EPHA5: variants seen among roughly 807,000 people sequenced by gnomAD.
The protein encoded by EPHA5 is EPH receptor A5, also known as ephrin type-A receptor 5.
A neutral mutation model predicts 105.0 loss-of-function variants in EPHA5; 60 were observed. The ratio of observed to expected loss-of-function variants is 0.57; its 90% confidence interval spans 0.46 to 0.71. The LOEUF (loss-of-function observed/expected upper bound fraction) is 0.71. Ranked by LOEUF, EPHA5 falls within the 30% of genes least tolerant of loss-of-function variation. The pLI is 0.00. For missense variants in EPHA5, 1,218 were observed against 1,274.7 expected, an observed-to-expected ratio of 0.96 and a Z score of 0.68; for synonymous variants, 513 against 449.1, an observed-to-expected ratio of 1.14 and a Z score of -1.80.
chr4:65,551,676 T>C (rs1737936600), intron 3 of EPHA5, among the ~76,000 whole-genome samples: 1 of 152,112 alleles, frequency 6.6e-6, no homozygotes. Flanking sequence ...AAATTTTTAT[T>C]GTAACATTTT....
chr4:65,462,537 A>G (rs933838231), intron 5 of EPHA5, among the ~76,000 whole-genome samples: 5 of 152,130 alleles, frequency 3.3e-5, no homozygotes, highest in Non-Finnish European at 5.9e-5. Context: ...CTTGTCCAAG[A>G]TAGCCTCCTT....
chr4:65,639,813 C>G (rs1260961315), intron 2 of EPHA5, among the ~76,000 whole-genome samples: 3 of 151,430 alleles, frequency 2.0e-5, no homozygotes, highest in African/African-American at 7.2e-5. Context: ...GTTGTCCTAT[C>G]TTCAAGTGGG....
intron 3 of EPHA5, chr4:65,574,129 G>A (rs1368814305): frequency 6.2e-6 from 10 of 1,608,382 alleles, no homozygotes; most frequent in Admixed American, 3.3e-5. Flanking sequence ...AAGCAGCTGC[G>A]GAAGCCCAGA....
At chr4:65,435,824 GA>G (rs141078260) in intron 5 of EPHA5, among the ~76,000 whole-genome samples, 59,589 of 150,890 alleles carry the variant, frequency 0.39, 13,521 homozygotes, top group Non-Finnish European at 0.52. Context: ...TGAAGCACTG[GA>G]AAAAAAAATC....
intron 3 of EPHA5, among the ~76,000 whole-genome samples, chr4:65,558,075 C>G (rs542338944): frequency 6.6e-6 from 1 of 152,116 alleles, no homozygotes; most frequent in African/African-American, 2.4e-5. Flanking sequence ...CAGGGATTCA[C>G]CATGTTGGCC....
intron 11 of EPHA5, among the ~76,000 whole-genome samples, chr4:65,364,171 T>C (rs1353774706): frequency 6.6e-6 from 1 of 151,628 alleles, no homozygotes; most frequent in Admixed American, 6.6e-5. Context: ...GTAGTTTATT[T>C]TATTCTTTTC....
chr4:65,538,785 C>G (rs1736540629), intron 3 of EPHA5, among the ~76,000 whole-genome samples: 1 of 151,624 alleles, frequency 6.6e-6, no homozygotes, highest in Non-Finnish European at 1.5e-5. Flanking sequence ...GAGGAAATGA[C>G]TCATATAACT....
chr4:65,435,743 T>C (rs1216479690), intron 5 of EPHA5, among the ~76,000 whole-genome samples: 1 of 151,960 alleles, frequency 6.6e-6, no homozygotes, highest in African/African-American at 2.4e-5. Flanking sequence ...ATATGTAAAA[T>C]TAGAGCGTTA....
At chr4:65,399,813 C>A (rs1721632751) in intron 8 of EPHA5, among the ~76,000 whole-genome samples, 1 of 151,832 alleles carries the variant, frequency 6.6e-6, no homozygotes, top group Non-Finnish European at 1.5e-5. Context: ...TGATCAGAAA[C>A]ATAGTATTAA....
Position 65,601,626 on chromosome 4 carries a change from G to A in EPHA5, c.910+15C>T, listed in dbSNP as rs2149436546. 1 of 1,607,510 alleles carries A rather than the reference G, an allele frequency of 6.2e-7. No individual in the cohort carries two copies. ...GAAGCAGACAGCCCCTGCAGATCTG[G>A]AGGCAAACTCTTACCTTGACAGGTG... is the stretch of plus-strand genomic sequence containing the variant. On this transcript the variant is annotated intron_variant, in intron 3 of 16. Coordinates refer to ENST00000613740, the MANE Select transcript of EPHA5 (RefSeq NM_001281766.3).
chr4:65,495,554 A>G lies in EPHA5; in HGVS notation c.911-11T>C, dbSNP rs2149226936. 2 of 1,601,328 alleles carry G rather than the reference A, an allele frequency of 1.2e-6. No individual in the cohort carries two copies. Among genetic ancestry groups the G allele is most frequent in the Non-Finnish European group, 1.7e-6 (2 of 1,175,384 alleles). ...ACCCAGGTCTGCACACTGTCAAAAGAAATAAGAGACTAAGCTTTTCCCTGG... is the reference window on the plus strand; with the variant it reads ...ACCCAGGTCTGCACACTGTCAAAAGGAATAAGAGACTAAGCTTTTCCCTGG... On this transcript the variant is annotated splice_polypyrimidine_tract_variant and intron_variant, in intron 3 of 16. Coordinates refer to ENST00000613740, the MANE Select transcript of EPHA5 (RefSeq NM_001281766.3).
At chr4:65,590,663 G>A (rs4422466) in intron 3 of EPHA5, among the ~76,000 whole-genome samples, 8 of 152,070 alleles carry the variant, frequency 5.3e-5, no homozygotes, top group African/African-American at 1.9e-4. Flanking sequence ...AAGAGAGAGA[G>A]ACAAATTAAG....
chr4:65,515,176 A>T (rs78417146), intron 3 of EPHA5, among the ~76,000 whole-genome samples: 62 of 152,296 alleles, frequency 4.1e-4, no homozygotes, highest in African/African-American at 1.5e-3. Flanking sequence ...GATTAAACAT[A>T]TTCAACTGTC....
chr4:65,518,715 C>T (rs1336226962), intron 3 of EPHA5, among the ~76,000 whole-genome samples: 2 of 151,952 alleles, frequency 1.3e-5, no homozygotes, highest in African/African-American at 4.8e-5. Context: ...AGAGGGGATA[C>T]ATTTCAGGTA....
In EPHA5 at chr4:65,601,993, A is replaced by T. The variant is rs1452570699; in HGVS notation, c.558T>A (p.Leu186=). The change falls in exon 3 of 17, where the codon CTT becomes CTA. Residue 186 remains leucine (L), a synonymous_variant. Transcript: ENST00000613740. ...TIAADESFTE[L]DLGDRVMKLN... ...GTTTCATAACACGGTCACCAAGATCAAGTTCTGTAAAGCTTTCATCGGCAG... is the reference window on the plus strand; with the variant it reads ...GTTTCATAACACGGTCACCAAGATCTAGTTCTGTAAAGCTTTCATCGGCAG... 6.2e-7 allele frequency: 1 copy of T among 1,614,150 alleles called. No individual in the cohort carries two copies. The highest frequency in any genetic ancestry group is 8.5e-7 in the Non-Finnish European group (1 of 1,180,006).
At chr4:65,536,804 TA>T (rs1221419239) in intron 3 of EPHA5, among the ~76,000 whole-genome samples, 1 of 151,550 alleles carries the variant, frequency 6.6e-6, no homozygotes, top group Admixed American at 6.6e-5. Context: ...AATAAAATTA[TA>T]AAAATCTTTA....
chr4:65,477,730 C>T (rs1729967316), intron 5 of EPHA5, among the ~76,000 whole-genome samples: 1 of 152,100 alleles, frequency 6.6e-6, no homozygotes, highest in Non-Finnish European at 1.5e-5. Context: ...TGTTCTTAAA[C>T]TTCAGTTCCT....
At chr4:65,572,876 C>T (rs1467403488) in intron 3 of EPHA5, among the ~76,000 whole-genome samples, 1 of 151,184 alleles carries the variant, frequency 6.6e-6, no homozygotes, top group Non-Finnish European at 1.5e-5. Flanking sequence ...ACTAAAAATA[C>T]AAACATTAGC....
At chr4:65,654,858 A>C (rs2149535514) in intron 1 of EPHA5, among the ~76,000 whole-genome samples, 1 of 147,036 alleles carries the variant, frequency 6.8e-6, no homozygotes, top group Non-Finnish European at 1.5e-5. Flanking sequence ...ATATATATGT[A>C]TTTTAATATA....
Sources: allele counts gnomAD v4.1 joint callset (sites outside exome capture counted in the v4.1 genomes callset), GRCh38; gene constraint gnomAD v4.1.1; transcripts MANE v1.5; gene names NCBI Gene and HGNC (gene_info 2026-07-23, HGNC 2026-07-21).